Variants in CHCHD6 observed in about 807,000 individuals in gnomAD.
CHCHD6 encodes coiled-coil-helix-coiled-coil-helix domain containing 6, also known as MICOS complex subunit MIC25.
Under a neutral mutation model 32.3 loss-of-function variants are expected in CHCHD6, and 28 were observed. The ratio of observed to expected loss-of-function variants is 0.87; its 90% CI spans 0.64 to 1.19. The LOEUF (loss-of-function observed/expected upper bound fraction) is 1.19. Ranked by LOEUF, CHCHD6 falls within the 50% of genes most tolerant of loss-of-function variation. The pLI is 0.00. For missense variants in CHCHD6, 333 were observed against 307.0 expected, an observed-to-expected ratio of 1.08 and a Z score of -0.63; for synonymous variants, 122 against 117.5, an observed-to-expected ratio of 1.04 and a Z score of -0.25.
At chr3:126,872,382 G>C (rs953762718) in intron 5 of CHCHD6, among the ~76,000 whole-genome samples, 1 of 151,964 alleles carries the variant, frequency 6.6e-6, no homozygotes, top group Admixed American at 6.6e-5. Context: ...TTTTTTTTAA[G>C]TGCCAAGATG....
At chr3:126,772,028 C>T (rs1937551484) in intron 4 of CHCHD6, among the ~76,000 whole-genome samples, 1 of 152,118 alleles carries the variant, frequency 6.6e-6, no homozygotes, top group Non-Finnish European at 1.5e-5. Context: ...TTGTCTGCCT[C>T]AGTGGTCTCT....
chr3:126,824,560 C>CAAAA (rs71150454), intron 4 of CHCHD6, among the ~76,000 whole-genome samples: 1,348 of 39,978 alleles, frequency 0.034, 162 homozygotes, highest in East Asian at 0.16. Context: ...GACTCTGTCT[C>CAAAA]AAAAAAAAAA....
At chr3:126,871,661 CTTTTTTT>C (rs869191195) in intron 5 of CHCHD6, among the ~76,000 whole-genome samples, 3 of 125,120 alleles carry the variant, frequency 2.4e-5, no homozygotes, top group Non-Finnish European at 3.3e-5. Flanking sequence ...GACCCCCCAA[CTTTTTTT>C]TTTTTTTTTT....
chr3:126,835,189 C>T (rs986078175), intron 4 of CHCHD6, among the ~76,000 whole-genome samples: 1 of 152,168 alleles, frequency 6.6e-6, no homozygotes, highest in African/African-American at 2.4e-5. Flanking sequence ...ACCCTAGCTG[C>T]AGGCCAACAG....
chr3:126,864,170 C>A (rs1283248116), intron 5 of CHCHD6, among the ~76,000 whole-genome samples: 1 of 149,918 alleles, frequency 6.7e-6, no homozygotes, highest in African/African-American at 2.5e-5. Flanking sequence ...TCCACCATCA[C>A]CACCTCCCCA....
At chr3:126,847,755 C>G (rs937493815) in intron 4 of CHCHD6, among the ~76,000 whole-genome samples, 1 of 152,068 alleles carries the variant, frequency 6.6e-6, no homozygotes, top group Non-Finnish European at 1.5e-5. Flanking sequence ...TCCTCTCCCC[C>G]TTTCCCACTT....
At chr3:126,870,610 A>G (rs1038874388) in intron 5 of CHCHD6, among the ~76,000 whole-genome samples, 9 of 152,230 alleles carry the variant, frequency 5.9e-5, no homozygotes, top group African/African-American at 2.2e-4. Flanking sequence ...TCCAGTCCTT[A>G]GCGTGGCTCC....
At chr3:126,804,924 A>C (rs1241547711) in intron 4 of CHCHD6, among the ~76,000 whole-genome samples, 2 of 152,156 alleles carry the variant, frequency 1.3e-5, no homozygotes, top group Non-Finnish European at 2.9e-5. Context: ...GTAATCCAGC[A>C]TATAAACAGA....
chr3:126,945,697 GCGGGGAGAC>G (rs2078626965), intron 6 of CHCHD6, among the ~76,000 whole-genome samples: 1 of 142,740 alleles, frequency 7.0e-6, no homozygotes, highest in African/African-American at 2.7e-5. Flanking sequence ...GAAGACTCAA[GCGGGGAGAC>G]TCGGGGAGAC....
At chr3:126,872,195 C>T (rs1044130830) in intron 5 of CHCHD6, among the ~76,000 whole-genome samples, 2 of 152,098 alleles carry the variant, frequency 1.3e-5, no homozygotes, top group Non-Finnish European at 1.5e-5. Flanking sequence ...TGCAGCTCTC[C>T]ACCCTACAGT....
At chr3:126,824,689 T>C (rs893881454) in intron 4 of CHCHD6, among the ~76,000 whole-genome samples, 1 of 151,758 alleles carries the variant, frequency 6.6e-6, no homozygotes, top group Non-Finnish European at 1.5e-5. Context: ...CAGGTTCAAT[T>C]GATTCTCCTG....
At chr3:126,759,582 A>G (rs1237396867) in intron 4 of CHCHD6, among the ~76,000 whole-genome samples, 2 of 152,192 alleles carry the variant, frequency 1.3e-5, no homozygotes, top group African/African-American at 2.4e-5. Context: ...CACTGTCTCT[A>G]TAAAACCACT....
At chr3:126,750,723 T>A (rs1936688389) in intron 4 of CHCHD6, among the ~76,000 whole-genome samples, 1 of 152,256 alleles carries the variant, frequency 6.6e-6, no homozygotes, top group Non-Finnish European at 1.5e-5. Flanking sequence ...CTAGCTTTAA[T>A]GCTAATTCCT....
chr3:126,784,646 C>T (rs980657838), intron 4 of CHCHD6, among the ~76,000 whole-genome samples: 3 of 152,286 alleles, frequency 2.0e-5, no homozygotes, highest in African/African-American at 7.2e-5. Context: ...AAACTTTTCA[C>T]ACCTTTCCCT....
At chr3:126,956,601 G>A (rs905181410) in intron 6 of CHCHD6, among the ~76,000 whole-genome samples, 3 of 4,630 alleles carry the variant, frequency 6.5e-4, no homozygotes, top group African/African-American at 2.6e-3. Flanking sequence ...GTGTGCGCAC[G>A]AGAGAGAGAG....
At chr3:126,934,536 C>CTTTTTTTTT (rs386397861) in intron 6 of CHCHD6, among the ~76,000 whole-genome samples, 1 of 58,228 alleles carries the variant, frequency 1.7e-5, no homozygotes, top group Non-Finnish European at 3.1e-5. Flanking sequence ...CCCCTCTCTG[C>CTTTTTTTTT]TTTTTTTTTT....
chr3:126,774,375 A>G (rs888888620), intron 4 of CHCHD6, among the ~76,000 whole-genome samples: 1 of 152,202 alleles, frequency 6.6e-6, no homozygotes, highest in Admixed American at 6.5e-5. Context: ...GAGAGGGCCC[A>G]TGTATCCTTC....
At chr3:126,731,714 T>C (rs1159573958) in intron 3 of CHCHD6, among the ~76,000 whole-genome samples, 1 of 152,084 alleles carries the variant, frequency 6.6e-6, no homozygotes, top group Non-Finnish European at 1.5e-5. Context: ...CCATGTTGGG[T>C]CTGTTGCATA....
chr3:126,825,534 C>T (rs867133354), intron 4 of CHCHD6, among the ~76,000 whole-genome samples: 12 of 152,218 alleles, frequency 7.9e-5, no homozygotes, highest in East Asian at 1.9e-4. Flanking sequence ...GTTTGTCCAT[C>T]CGTTCTGTCA....
Sources: allele counts gnomAD v4.1 joint callset (sites outside exome capture counted in the v4.1 genomes callset), GRCh38; gene constraint gnomAD v4.1.1; transcripts MANE v1.5; gene names NCBI Gene and HGNC (gene_info 2026-07-23, HGNC 2026-07-21).